Variants in PLCXD3 observed in about 807,000 individuals in gnomAD.
The protein encoded by PLCXD3 is PI-PLC X domain-containing protein 3.
A neutral mutation model predicts 25.5 loss-of-function variants in PLCXD3; 19 were observed. The observed-to-expected ratio is 0.75, with a 90% CI of 0.52 to 1.09. PLCXD3 has a LOEUF of 1.09. Among genes scored for constraint, PLCXD3 ranks in the 50% least tolerant of loss-of-function variants. The pLI, the probability that PLCXD3 is intolerant of heterozygous loss-of-function variation, is 0.00. For synonymous variants in PLCXD3, 174 were observed against 137.6 expected (o/e 1.26, Z -1.85); for missense variants, 411 against 388.1 (o/e 1.06, Z -0.50).
rs115571679 is a variant in PLCXD3 at position 41,366,808 on chromosome 5, G to A, written c.812+15018C>T. On this transcript the variant is annotated intron_variant, in intron 2 of 2. Transcript: ENST00000377801. Reference sequence around the variant, plus strand: ...GCTATTTATCCTGATGCACTCTCCCGTGCCCCAGTGTGTGTCATTCCTCTC... The same window carrying A: ...GCTATTTATCCTGATGCACTCTCCCATGCCCCAGTGTGTGTCATTCCTCTC... 1.7e-3 allele frequency among the ~76,000 whole-genome samples: 251 copies of A among 151,948 alleles called. 2 individuals carry two copies. The highest frequency in any genetic ancestry group is 4.8e-3 in the African/African-American group (198 of 41,492).
At chr5:41,314,590 AT>A (rs1381944097) in intron 2 of PLCXD3, among the ~76,000 whole-genome samples, 2 of 152,170 alleles carry the variant, frequency 1.3e-5, no homozygotes, top group Non-Finnish European at 2.9e-5. Flanking sequence ...ATAAAGGGAC[AT>A]TTGTGCAAAG....
chr5:41,433,066 G>A (rs956599081), intron 1 of PLCXD3, among the ~76,000 whole-genome samples: 10 of 152,162 alleles, frequency 6.6e-5, no homozygotes, highest in Non-Finnish European at 1.2e-4. Flanking sequence ...TCAATTAGCC[G>A]GTGCAGAGGC....
intron 1 of PLCXD3, among the ~76,000 whole-genome samples, chr5:41,418,042 A>G (rs185448706): frequency 6.6e-6 from 1 of 152,264 alleles, no homozygotes; most frequent in Non-Finnish European, 1.5e-5. Flanking sequence ...ATAATCCAAC[A>G]AAACATGTAA....
chr5:41,363,335 T>C (rs973147661), intron 2 of PLCXD3, among the ~76,000 whole-genome samples: 3 of 152,218 alleles, frequency 2.0e-5, no homozygotes, highest in African/African-American at 7.2e-5. Context: ...AAATGTTCTG[T>C]AAATATCTAC....
At chr5:41,405,561 G>T (rs1746325989) in intron 1 of PLCXD3, among the ~76,000 whole-genome samples, 1 of 152,010 alleles carries the variant, frequency 6.6e-6, no homozygotes, top group African/African-American at 2.4e-5. Context: ...TTTTAAGCTA[G>T]ATTATAAGCT....
rs320615 is a variant in PLCXD3 at position 41,308,060 on chromosome 5, A to C, written c.*5557T>G. ...CTGTATTTGAGTTCGTCCTTCAAAA[A>C]GCATTTGCAGGACCTAGAGCTGACC... is the stretch of plus-strand genomic sequence containing the variant. On this transcript the variant is annotated 3_prime_UTR_variant, in exon 3 of 3. Transcript: ENST00000377801. 0.22 allele frequency: 33,718 copies of C among 152,088 alleles called. 4,086 individuals carry two copies. Among genetic ancestry groups the C allele is most frequent in the Non-Finnish European group, 0.27 (18,252 of 67,972 alleles). The allele number at this position is 152,088 out of a possible 1,614,324, so 9.4% of individuals were successfully genotyped here.
intron 1 of PLCXD3, among the ~76,000 whole-genome samples, chr5:41,431,566 C>G (rs767813019): frequency 1.4e-4 from 22 of 152,148 alleles, no homozygotes; most frequent in Non-Finnish European, 2.9e-4. Flanking sequence ...AAAATACTCA[C>G]TAGATATTAC....
intron 1 of PLCXD3, among the ~76,000 whole-genome samples, chr5:41,489,182 A>C (rs1748591659): frequency 6.6e-6 from 1 of 152,102 alleles, no homozygotes; most frequent in African/African-American, 2.4e-5. Context: ...TTTATTAAAT[A>C]GGGAATCCTT....
chr5:41,349,604 A>G (rs1460351618), intron 2 of PLCXD3, among the ~76,000 whole-genome samples: 1 of 152,204 alleles, frequency 6.6e-6, no homozygotes, highest in Non-Finnish European at 1.5e-5. Flanking sequence ...AAAGCATTCC[A>G]CACTTTCCCC....
intron 1 of PLCXD3, among the ~76,000 whole-genome samples, chr5:41,433,376 C>T (rs571448759): frequency 6.6e-6 from 1 of 152,250 alleles, no homozygotes; most frequent in African/African-American, 2.4e-5. Flanking sequence ...ATGACTTTCC[C>T]TCTTGCCCCT....
intron 1 of PLCXD3, among the ~76,000 whole-genome samples, chr5:41,476,216 G>A (rs374309775): frequency 2.5e-4 from 38 of 152,270 alleles, no homozygotes; most frequent in African/African-American, 9.1e-4. Context: ...CACCACTTTG[G>A]GAGAGTGGGC....
rs117556981 is a variant in PLCXD3, at chr5:41,399,574, G to T, written c.104-17040C>A. Among the ~76,000 whole-genome samples, 56 of 152,184 alleles carry T rather than the reference G, an allele frequency of 3.7e-4. No individual in the cohort carries two copies. In the East Asian group the frequency reaches 7.1e-3, roughly 19 times the overall value. ...CATTAAACTCAGTTTAGATAAAGGT[G>T]CCATGAGCATACACTGGGGAAAAGA... On this transcript the variant is annotated intron_variant, in intron 1 of 2. Coordinates refer to ENST00000377801, the MANE Select transcript of PLCXD3 (RefSeq NM_001005473.3).
intron 1 of PLCXD3, among the ~76,000 whole-genome samples, chr5:41,494,840 T>A (rs921964785): frequency 2.0e-5 from 3 of 152,146 alleles, no homozygotes; most frequent in Non-Finnish European, 4.4e-5. Context: ...GAGCCCAAGG[T>A]AATCTAAGAT....
intron 1 of PLCXD3, among the ~76,000 whole-genome samples, chr5:41,493,279 C>G (rs556887852): frequency 6.6e-6 from 1 of 152,150 alleles, no homozygotes; most frequent in South Asian, 2.1e-4. Flanking sequence ...GCTGTCTGAT[C>G]GTTCCTCTGG....
rs1743191945 is a variant in PLCXD3 at position 41,313,298 on chromosome 5, A to G, written c.*319T>C. On this transcript the variant is annotated 3_prime_UTR_variant, in exon 3 of 3. Coordinates refer to ENST00000377801, the MANE Select transcript of PLCXD3 (RefSeq NM_001005473.3). Reference sequence around the variant, plus strand: ...ACAGCGTAGGAGTCATAGGCTGGAAATAGAGAACCTAATCAAGTAAACACT... The same window carrying G: ...ACAGCGTAGGAGTCATAGGCTGGAAGTAGAGAACCTAATCAAGTAAACACT... 1 of 267,240 alleles carries G rather than the reference A, an allele frequency of 3.7e-6. No individual in the cohort carries two copies. Among genetic ancestry groups the G allele is most frequent in the Admixed American group, 5.0e-5 (1 of 19,930 alleles). 16.6% of individuals were successfully genotyped at this position (267,240 alleles called of 1,614,324 possible).
intron 1 of PLCXD3, among the ~76,000 whole-genome samples, chr5:41,478,858 C>G (rs1748335463): frequency 6.6e-6 from 1 of 152,126 alleles, no homozygotes; most frequent in Admixed American, 6.5e-5. Flanking sequence ...GAAGGGGAAG[C>G]AAGCACCTTC....
At chr5:41,456,443 A>G in intron 1 of PLCXD3, 1 of 526,428 alleles carries the variant, frequency 1.9e-6, no homozygotes, top group Non-Finnish European at 2.4e-6. Flanking sequence ...TTTCTAAAAG[A>G]GATAAATTCA....
chr5:41,441,549 G>A (rs1747385592), intron 1 of PLCXD3, among the ~76,000 whole-genome samples: 1 of 152,128 alleles, frequency 6.6e-6, no homozygotes. Context: ...GGGAGTACAA[G>A]GTGCATCCAA....
intron 1 of PLCXD3, among the ~76,000 whole-genome samples, chr5:41,409,345 T>G (rs1281662852): frequency 2.0e-5 from 3 of 152,148 alleles, no homozygotes; most frequent in Non-Finnish European, 4.4e-5. Context: ...AGCAGGCTTT[T>G]TTGAGCTTAT....
Sources: allele counts gnomAD v4.1 joint callset (sites outside exome capture counted in the v4.1 genomes callset), GRCh38; gene constraint gnomAD v4.1.1; transcripts MANE v1.5; gene names NCBI Gene and HGNC (gene_info 2026-07-23, HGNC 2026-07-21).